The following GABRB1 variants were observed in gnomAD, a reference collection of about 807,000 sequenced individuals.
GABRB1 encodes the protein gamma-aminobutyric acid receptor subunit beta-1.
GABRB1 carries 17 observed loss-of-function variants against 51.6 expected under a neutral mutation model. The ratio of observed to expected loss-of-function variants is 0.33; its 90% CI spans 0.23 to 0.49. The LOEUF (loss-of-function observed/expected upper bound fraction) is 0.49. Ranked by LOEUF, GABRB1 falls within the 20% of genes least tolerant of loss-of-function variation. GABRB1 has a pLI of 0.99. For synonymous variants in GABRB1, 247 were observed against 218.9 expected, an observed-to-expected ratio of 1.13 and a Z score of -1.14; for missense variants, 410 against 600.6, an observed-to-expected ratio of 0.68 and a Z score of 3.32.
intron 3 of GABRB1, among the ~76,000 whole-genome samples, chr4:47,063,187 C>T (rs1726916658): frequency 1.3e-5 from 2 of 152,108 alleles, no homozygotes; most frequent in African/African-American, 2.4e-5. Context: ...TAACCACGAC[C>T]GATGCAGGCC....
intron 3 of GABRB1, among the ~76,000 whole-genome samples, chr4:47,033,197 C>T (rs1289162505): frequency 1.3e-5 from 2 of 152,154 alleles, no homozygotes; most frequent in Admixed American, 1.3e-4. Flanking sequence ...GCCTAAAAAT[C>T]CTGATAATTT....
rs569204636 is a variant in GABRB1, at chr4:47,293,477, A to G, written c.462-26650A>G. Reference sequence around the variant, plus strand: ...CTTACTTAACAACTTCTCATGTGCAATCCTTACAAAAGTACTTGAGGATTT... The same window carrying G: ...CTTACTTAACAACTTCTCATGTGCAGTCCTTACAAAAGTACTTGAGGATTT... On this transcript the variant is annotated intron_variant, in intron 4 of 8. Coordinates refer to ENST00000295454, the MANE Select transcript of GABRB1 (RefSeq NM_000812.4). 2.0e-5 allele frequency among the ~76,000 whole-genome samples: 3 copies of G among 152,316 alleles called. No homozygotes were observed. The South Asian group carries it at 6.2e-4, about 32-fold the overall frequency.
At chr4:47,393,781 T>A (rs985981526) in intron 5 of GABRB1, among the ~76,000 whole-genome samples, 1 of 152,188 alleles carries the variant, frequency 6.6e-6, no homozygotes, top group Non-Finnish European at 1.5e-5. Context: ...CTCCCTTGGG[T>A]CAATAGTTTG....
At chr4:47,367,953 G>A (rs913375435) in intron 5 of GABRB1, among the ~76,000 whole-genome samples, 18 of 152,322 alleles carry the variant, frequency 1.2e-4, no homozygotes, top group African/African-American at 4.1e-4. Flanking sequence ...GGAAAAGGAA[G>A]TGGAGGGCAG....
At chr4:47,095,942 C>G (rs891315178) in intron 3 of GABRB1, among the ~76,000 whole-genome samples, 2 of 152,166 alleles carry the variant, frequency 1.3e-5, no homozygotes, top group African/African-American at 4.8e-5. Flanking sequence ...CAAAATCTTT[C>G]CAAATATAAA....
chr4:47,424,769 TGAA>T (rs2110069946), intron 8 of GABRB1, among the ~76,000 whole-genome samples: 1 of 152,286 alleles, frequency 6.6e-6, no homozygotes, highest in South Asian at 2.1e-4. Flanking sequence ...TATATCAGCT[TGAA>T]GTTAAACAAG....
intron 4 of GABRB1, among the ~76,000 whole-genome samples, chr4:47,309,233 A>G (rs1290828876): frequency 1.3e-5 from 2 of 150,874 alleles, no homozygotes; most frequent in African/African-American, 2.4e-5. Context: ...GTTAATTACT[A>G]TTGTTCTATT....
At chr4:47,051,272 A>C (rs1331306914) in intron 3 of GABRB1, among the ~76,000 whole-genome samples, 1 of 152,148 alleles carries the variant, frequency 6.6e-6, no homozygotes, top group Admixed American at 6.5e-5. Flanking sequence ...TGGGAATGCA[A>C]AATTATGTTT....
At chr4:47,397,824 C>T (rs1225406704) in intron 5 of GABRB1, among the ~76,000 whole-genome samples, 2 of 152,060 alleles carry the variant, frequency 1.3e-5, no homozygotes, top group Admixed American at 6.5e-5. Context: ...CTACCCATCT[C>T]GGCCTCCCAA....
chr4:47,218,277 G>A (rs146677435), intron 4 of GABRB1, among the ~76,000 whole-genome samples: 25 of 151,864 alleles, frequency 1.6e-4, no homozygotes, highest in Non-Finnish European at 3.5e-4. Flanking sequence ...TGGTTATTGT[G>A]AACAGAACTG....
chr4:47,382,241 T>A (rs1477891704), intron 5 of GABRB1, among the ~76,000 whole-genome samples: 1 of 152,150 alleles, frequency 6.6e-6, no homozygotes, highest in Non-Finnish European at 1.5e-5. Flanking sequence ...TTGGGTGGAA[T>A]AATTCTTTTT....
intron 5 of GABRB1, among the ~76,000 whole-genome samples, chr4:47,369,846 A>C (rs753152843): frequency 8.5e-5 from 13 of 152,232 alleles, no homozygotes; most frequent in Non-Finnish European, 1.3e-4. Flanking sequence ...GTAGAAAAAA[A>C]TGCATACTTT....
intron 3 of GABRB1, among the ~76,000 whole-genome samples, chr4:47,050,338 C>A (rs1217887535): frequency 6.6e-6 from 1 of 152,052 alleles, no homozygotes; most frequent in Non-Finnish European, 1.5e-5. Flanking sequence ...ACCAGTACAT[C>A]ATTTTGTAAG....
At chr4:47,266,056 A>C (rs1308745369) in intron 4 of GABRB1, among the ~76,000 whole-genome samples, 1 of 152,148 alleles carries the variant, frequency 6.6e-6, no homozygotes, top group African/African-American at 2.4e-5. Flanking sequence ...ATTTTCTTCT[A>C]CAATTTTTAT....
At chr4:47,123,415 C>T (rs1259406556) in intron 3 of GABRB1, among the ~76,000 whole-genome samples, 11 of 101,158 alleles carry the variant, frequency 1.1e-4, no homozygotes, top group African/African-American at 4.2e-4. Flanking sequence ...CATATATACA[C>T]ATATATATTA....
At chr4:47,357,394 A>T (rs957954388) in intron 5 of GABRB1, among the ~76,000 whole-genome samples, 1 of 152,128 alleles carries the variant, frequency 6.6e-6, no homozygotes, top group Non-Finnish European at 1.5e-5. Context: ...ATATGTGGTG[A>T]ATGTTGGTCA....
chr4:47,281,719 A>G (rs183111546), intron 4 of GABRB1, among the ~76,000 whole-genome samples: 3 of 152,348 alleles, frequency 2.0e-5, no homozygotes. Context: ...TAGCTTTTAA[A>G]AAATTCTGTT....
At chr4:47,051,399 G>A (rs146729575) in intron 3 of GABRB1, among the ~76,000 whole-genome samples, 50 of 152,306 alleles carry the variant, frequency 3.3e-4, no homozygotes, top group African/African-American at 1.1e-3. Context: ...AAATAAAACT[G>A]AGAAACTAGA....
chr4:47,090,981 A>G (rs2109585719), intron 3 of GABRB1, among the ~76,000 whole-genome samples: 1 of 152,316 alleles, frequency 6.6e-6, no homozygotes, highest in South Asian at 2.1e-4. Flanking sequence ...GTGTAATTCA[A>G]TAGTACTACT....
Sources: allele counts gnomAD v4.1 joint callset (sites outside exome capture counted in the v4.1 genomes callset), GRCh38; gene constraint gnomAD v4.1.1; transcripts MANE v1.5; gene names NCBI Gene and HGNC (gene_info 2026-07-23, HGNC 2026-07-21).